Variants in KIAA1328 observed in about 807,000 individuals in gnomAD.
The protein encoded by KIAA1328 is KIAA1328.
KIAA1328 carries 52 observed loss-of-function variants against 68.1 expected under a neutral mutation model. The observed-to-expected ratio is 0.76, with a 90% CI of 0.61 to 0.96. The LOEUF (loss-of-function observed/expected upper bound fraction) is 0.96, where lower values mean the gene tolerates loss of function less well. Ranked by LOEUF, KIAA1328 falls within the 40% of genes least tolerant of loss-of-function variation. The pLI, the probability that KIAA1328 is intolerant of heterozygous loss-of-function variation, is 0.00. For missense variants in KIAA1328, 641 were observed against 677.6 expected, an observed-to-expected ratio of 0.95 and a Z score of 0.60; for synonymous variants, 232 against 239.4, an observed-to-expected ratio of 0.97 and a Z score of 0.28.
chr18:37,005,907 T>A (rs879269211), intron 6 of KIAA1328, among the ~76,000 whole-genome samples: 1 of 151,770 alleles, frequency 6.6e-6, no homozygotes, highest in Non-Finnish European at 1.5e-5. Context: ...AAAAATATGA[T>A]CACATGGAAG....
At position 37,067,526 on chromosome 18, in the gene KIAA1328, T is replaced by C. The variant is rs1275130709; in HGVS notation, c.1213T>C (p.Ser405Pro). The part of the protein sequence containing the change: ...LLLKQQQLHQ[S>P]RLDYNCLLKS... The stretch of plus-strand genomic sequence containing the variant: ...TCTAAAACAGCAGCAGCTTCACCAG[T>C]CTCGACTGGATTACAATTGGTGAGT... The change falls in exon 7 of 10, where the codon TCT (serine) becomes CCT (proline). Residue 405 changes from serine to proline, a missense_variant. Transcript: ENST00000280020. 2 of 1,532,248 alleles carry C rather than the reference T, an allele frequency of 1.3e-6. No individual in the cohort carries two copies. Among genetic ancestry groups the C allele is most frequent in the Non-Finnish European group, 1.7e-6 (2 of 1,143,952 alleles). The allele number at this position is 1,532,248 out of a possible 1,614,324, so 94.9% of individuals were successfully genotyped here.
chr18:36,890,207 C>CT (rs950306242), intron 5 of KIAA1328, among the ~76,000 whole-genome samples: 5 of 148,604 alleles, frequency 3.4e-5, no homozygotes, highest in South Asian at 2.1e-4. Context: ...AAGGAACTAG[C>CT]TTTTTTTTCT....
chr18:37,064,545 C>CG (rs1568356616), intron 6 of KIAA1328, among the ~76,000 whole-genome samples: 1 of 145,650 alleles, frequency 6.9e-6, no homozygotes, highest in African/African-American at 2.5e-5. Flanking sequence ...TACCCCCCCC[C>CG]CCAAATATGA....
At chr18:37,043,774 C>T (rs1314138653) in intron 6 of KIAA1328, among the ~76,000 whole-genome samples, 3 of 152,126 alleles carry the variant, frequency 2.0e-5, no homozygotes, top group Admixed American at 2.0e-4. Context: ...ACTGAATGTG[C>T]ACACAGACTT....
chr18:37,084,185 A>T, intron 7 of KIAA1328: 2 of 1,526,684 alleles, frequency 1.3e-6, no homozygotes, highest in Admixed American at 2.0e-5. Context: ...AGCTTACTAA[A>T]CCCCAAGAAC....
intron 8 of KIAA1328, among the ~76,000 whole-genome samples, chr18:37,172,524 T>C (rs531892306): frequency 4.0e-4 from 61 of 152,304 alleles, no homozygotes; most frequent in African/African-American, 1.4e-3. Flanking sequence ...TTTTAGCCAA[T>C]GTTGAGTTCT....
intron 4 of KIAA1328, among the ~76,000 whole-genome samples, chr18:36,884,700 T>G (rs2048439950): frequency 6.6e-6 from 1 of 152,166 alleles, no homozygotes; most frequent in Non-Finnish European, 1.5e-5. Context: ...ATAGGATAAG[T>G]GCATTCTATG....
chr18:37,014,362 T>C (rs1180531525), intron 6 of KIAA1328, among the ~76,000 whole-genome samples: 1 of 152,228 alleles, frequency 6.6e-6, no homozygotes, highest in African/African-American at 2.4e-5. Context: ...CTTTTGATTT[T>C]TGTTTTTGTT....
chr18:36,878,947 C>T (rs1388653700), intron 4 of KIAA1328, among the ~76,000 whole-genome samples: 1 of 152,182 alleles, frequency 6.6e-6, no homozygotes, highest in Non-Finnish European at 1.5e-5. Flanking sequence ...AGCTTCCTTG[C>T]ATTGGGTTAG....
intron 6 of KIAA1328, among the ~76,000 whole-genome samples, chr18:37,043,059 A>T (rs2055321416): frequency 6.6e-6 from 1 of 151,958 alleles, no homozygotes; most frequent in Non-Finnish European, 1.5e-5. Flanking sequence ...TGTACTTTTC[A>T]ATGCTAGCAT....
At chr18:37,132,521 T>C (rs2058547108) in intron 7 of KIAA1328, among the ~76,000 whole-genome samples, 1 of 152,186 alleles carries the variant, frequency 6.6e-6, no homozygotes, top group African/African-American at 2.4e-5. Context: ...GAAGGGCCAA[T>C]TGGAATTGGA....
intron 6 of KIAA1328, among the ~76,000 whole-genome samples, chr18:37,000,789 A>G (rs1308094274): frequency 6.6e-6 from 1 of 152,178 alleles, no homozygotes; most frequent in African/African-American, 2.4e-5. Context: ...CTCCTGAATG[A>G]CCATCATGAA....
intron 6 of KIAA1328, among the ~76,000 whole-genome samples, chr18:37,007,831 T>C (rs1452716119): frequency 6.6e-6 from 1 of 152,058 alleles, no homozygotes; most frequent in African/African-American, 2.4e-5. Context: ...CTGGACAAAA[T>C]ATAAAAGCAA....
At chr18:37,168,955 A>C (rs972070234) in intron 8 of KIAA1328, among the ~76,000 whole-genome samples, 1 of 152,122 alleles carries the variant, frequency 6.6e-6, no homozygotes, top group Non-Finnish European at 1.5e-5. Context: ...TAAGAAAAAA[A>C]AATTGCCGTG....
chr18:37,001,660 A>G (rs924516372), intron 6 of KIAA1328, among the ~76,000 whole-genome samples: 5 of 152,084 alleles, frequency 3.3e-5, no homozygotes, highest in African/African-American at 1.2e-4. Context: ...GAAAAACATG[A>G]TTACATGAGA....
chr18:36,889,949 A>G lies in KIAA1328; in HGVS notation c.448+4277A>G, dbSNP rs545454010. Among the ~76,000 whole-genome samples the G allele has an allele frequency of 4.2e-4, 64 of 152,234 alleles. 1 individual carries two copies. Among genetic ancestry groups the G allele is most frequent in the African/African-American group, 1.5e-3 (64 of 41,550 alleles). The stretch of plus-strand genomic sequence containing the variant: ...CTGGAAGGAAAAACCTCTCTGTACC[A>G]CTTGCACCTGTTGAGTGCTCATTGG... On this transcript the variant is annotated intron_variant, in intron 5 of 9. Coordinates refer to ENST00000280020, the MANE Select transcript of KIAA1328 (RefSeq NM_020776.3).
rs76369846 is a variant in KIAA1328 at position 37,021,757 on chromosome 18, C to A, written c.577-45133C>A. Among the ~76,000 whole-genome samples, 904 of 150,206 alleles carry A rather than the reference C, an allele frequency of 6.0e-3. 10 individuals are homozygous for A. The highest frequency in any genetic ancestry group is 0.02 in the African/African-American group (840 of 41,380). On this transcript the variant is annotated intron_variant, in intron 6 of 9. Transcript: ENST00000280020. ...TCTCTTTTCTTTCTTGTCTATTAAA[C>A]TTTCTGCTCCTTAAAACCAAAAAAA... is the stretch of plus-strand genomic sequence containing the variant.
At chr18:36,864,934 T>C (rs2047695928) in intron 4 of KIAA1328, among the ~76,000 whole-genome samples, 1 of 152,042 alleles carries the variant, frequency 6.6e-6, no homozygotes, top group African/African-American at 2.4e-5. Context: ...GTGATTTGTT[T>C]ATTTTTTTAC....
At chr18:36,940,977 T>G (rs1247673789) in intron 5 of KIAA1328, among the ~76,000 whole-genome samples, 1 of 152,004 alleles carries the variant, frequency 6.6e-6, no homozygotes, top group Non-Finnish European at 1.5e-5. Flanking sequence ...CACAGCCGAG[T>G]GCTCATTTTT....
Sources: allele counts gnomAD v4.1 joint callset (sites outside exome capture counted in the v4.1 genomes callset), GRCh38; gene constraint gnomAD v4.1.1; transcripts MANE v1.5; gene names NCBI Gene and HGNC (gene_info 2026-07-23, HGNC 2026-07-21).